Variants in IDO2 observed in about 807,000 individuals in gnomAD.
IDO2 encodes indoleamine 2,3-dioxygenase-like 1 protein.
A neutral mutation model predicts 45.1 loss-of-function variants in IDO2; 46 were observed. The ratio of observed to expected loss-of-function variants is 1.02; its 90% confidence interval spans 0.80 to 1.30. IDO2 has a LOEUF of 1.30. Ranked by LOEUF, IDO2 falls within the 50% of genes most tolerant of loss-of-function variation. The pLI is 0.00. For missense variants in IDO2, 544 were observed against 491.8 expected (o/e 1.11, Z -1.00); for synonymous variants, 218 against 184.9 (o/e 1.18, Z -1.45).
intron 8 of IDO2, among the ~76,000 whole-genome samples, chr8:40,003,918 G>A (rs1252912300): frequency 6.6e-6 from 1 of 152,184 alleles, no homozygotes; most frequent in African/African-American, 2.4e-5. Context: ...CTAATTAGCT[G>A]AAGTTTTCTG....
chr8:40,006,345 C>G (rs1802220539), intron 9 of IDO2, among the ~76,000 whole-genome samples: 1 of 152,130 alleles, frequency 6.6e-6, no homozygotes. Context: ...CAACTGTGGG[C>G]TAATGTAAGT....
At chr8:39,978,088 T>A (rs1265889889) in intron 3 of IDO2, among the ~76,000 whole-genome samples, 1 of 152,152 alleles carries the variant, frequency 6.6e-6, no homozygotes, top group Non-Finnish European at 1.5e-5. Context: ...GAGAGCTCAT[T>A]TTTGGGAGGA....
intron 2 of IDO2, among the ~76,000 whole-genome samples, chr8:39,952,871 C>T (rs1031366132): frequency 7.2e-5 from 11 of 151,922 alleles, no homozygotes; most frequent in African/African-American, 2.4e-4. Context: ...CGGGTTCAAG[C>T]GATTCTCCTG....
intron 1 of IDO2, among the ~76,000 whole-genome samples, chr8:39,946,141 T>A (rs1180682799): frequency 6.6e-6 from 1 of 152,202 alleles, no homozygotes; most frequent in African/African-American, 2.4e-5. Context: ...GCAGACCCTG[T>A]ACTTGATGGA....
intron 2 of IDO2, among the ~76,000 whole-genome samples, chr8:39,956,306 T>G (rs1807890310): frequency 6.6e-6 from 1 of 151,980 alleles, no homozygotes; most frequent in Non-Finnish European, 1.5e-5. Flanking sequence ...AAGTGATCCA[T>G]CTGGCTTGGC....
intron 8 of IDO2, among the ~76,000 whole-genome samples, chr8:39,999,083 G>T (rs1310615369): frequency 6.6e-6 from 1 of 152,012 alleles, no homozygotes; most frequent in Non-Finnish European, 1.5e-5. Flanking sequence ...ATTCCTGAAG[G>T]ATATTTTTGC....
At chr8:40,007,497 C>A (rs1028468761) in intron 9 of IDO2, among the ~76,000 whole-genome samples, 7 of 151,246 alleles carry the variant, frequency 4.6e-5, no homozygotes, top group Non-Finnish European at 8.8e-5. Flanking sequence ...AGAAATGGAG[C>A]TGGGAGTGTG....
intron 3 of IDO2, 101 bp from the exon 4 acceptor site, chr8:39,978,966 C>T: frequency 9.0e-7 from 1 of 1,108,034 alleles, no homozygotes; most frequent in Non-Finnish European, 1.3e-6. Flanking sequence ...CCATTGCCTT[C>T]CACCCAAAGG....
At chr8:39,969,608 C>T (rs1808149513) in intron 3 of IDO2, among the ~76,000 whole-genome samples, 1 of 152,372 alleles carries the variant, frequency 6.6e-6, no homozygotes, top group African/African-American at 2.4e-5. Context: ...GTCATGGTGG[C>T]TCAGGCCTCT....
intron 3 of IDO2, among the ~76,000 whole-genome samples, chr8:39,973,471 C>A (rs1468963): frequency 0.66 from 100,795 of 151,730 alleles, 33,651 homozygotes; most frequent in South Asian, 0.75. Flanking sequence ...GGAAAGGAAA[C>A]TGTAAGTATG....
intron 9 of IDO2, among the ~76,000 whole-genome samples, chr8:40,009,150 G>A (rs1321474117): frequency 6.6e-6 from 1 of 152,120 alleles, no homozygotes; most frequent in Non-Finnish European, 1.5e-5. Flanking sequence ...AAGTAGCTGG[G>A]ACTACAGGCA....
chr8:39,985,599 G>A, intron 6 of IDO2, 77 bp downstream of exon 6: 1 of 1,233,380 alleles, frequency 8.1e-7, no homozygotes, highest in Non-Finnish European at 1.2e-6. Context: ...AAAGAACAAA[G>A]CATGCTAAAT....
chr8:39,982,962 C>G (rs769591685), intron 5 of IDO2, among the ~76,000 whole-genome samples, 192 bp downstream of exon 5: 11 of 152,190 alleles, frequency 7.2e-5, no homozygotes, highest in Non-Finnish European at 1.5e-4. Flanking sequence ...CACATTGGCT[C>G]AGACCATTTT....
chr8:40,013,437 C>T (rs1260875800), intron 9 of IDO2, 128 bp from the exon 10 acceptor site: 4 of 879,288 alleles, frequency 4.5e-6, no homozygotes, highest in African/African-American at 3.4e-5. Flanking sequence ...AAGATACCCC[C>T]AATCCCTCAC....
At chr8:40,011,016 T>C (rs897965789) in intron 9 of IDO2, among the ~76,000 whole-genome samples, 1 of 152,194 alleles carries the variant, frequency 6.6e-6, no homozygotes, top group African/African-American at 2.4e-5. Flanking sequence ...GTTCAAGCGA[T>C]ACTCCTGCCT....
intron 8 of IDO2, among the ~76,000 whole-genome samples, chr8:40,001,077 C>T (rs1802128017): frequency 6.6e-6 from 1 of 152,076 alleles, no homozygotes; most frequent in Non-Finnish European, 1.5e-5. Context: ...GATCCTCCCA[C>T]ATTGGCCTTT....
chr8:39,991,786 G>T (rs1037714610), intron 8 of IDO2, among the ~76,000 whole-genome samples: 1 of 152,078 alleles, frequency 6.6e-6, no homozygotes, highest in Admixed American at 6.6e-5. Flanking sequence ...GGCCAGGCTG[G>T]TCTCGAACTC....
At chr8:39,943,471 C>T (rs1323701398) in intron 1 of IDO2, among the ~76,000 whole-genome samples, 2 of 152,022 alleles carry the variant, frequency 1.3e-5, no homozygotes, top group African/African-American at 4.8e-5. Flanking sequence ...GGCGCGGTGG[C>T]TCAAGCCTGT....
intron 3 of IDO2, among the ~76,000 whole-genome samples, chr8:39,971,691 G>A (rs2129594115): frequency 6.6e-6 from 1 of 152,298 alleles, no homozygotes; most frequent in African/African-American, 2.4e-5. Context: ...GACTTTGAGG[G>A]GTTCAAGACT....
Sources: allele counts gnomAD v4.1 joint callset (sites outside exome capture counted in the v4.1 genomes callset), GRCh38; gene constraint gnomAD v4.1.1; transcripts MANE v1.5; gene names NCBI Gene and HGNC (gene_info 2026-07-23, HGNC 2026-07-21).